FSHR: variants seen among roughly 807,000 people sequenced by gnomAD.
The protein encoded by FSHR is follicle-stimulating hormone receptor.
In FSHR, 46 loss-of-function variants were observed where a neutral mutation model predicts 52.1. The ratio of observed to expected loss-of-function variants is 0.88; its 90% CI spans 0.70 to 1.13. FSHR has a LOEUF of 1.13. FSHR is among the 50% of genes most tolerant of loss of function. The probability of loss-of-function intolerance (pLI) is 0.00; values close to 1 mark genes in which losing one functional copy is unlikely to be tolerated. For synonymous variants in FSHR, 399 were observed against 309.6 expected (o/e 1.29, Z -3.03); for missense variants, 964 against 834.6 (o/e 1.16, Z -1.91).
chr2:49,041,983 G>A (rs1235568828), intron 2 of FSHR, among the ~76,000 whole-genome samples: 1 of 152,064 alleles, frequency 6.6e-6, no homozygotes, highest in Admixed American at 6.6e-5. Flanking sequence ...GTGTCTATAA[G>A]AAATACAAAA....
intron 5 of FSHR, 79 bp downstream of exon 5, chr2:48,990,487 C>G: frequency 1.1e-6 from 1 of 903,176 alleles, no homozygotes. Flanking sequence ...CTACACAATG[C>G]ATATTAAAGG....
chr2:49,024,103 G>T (rs990105617), intron 2 of FSHR, among the ~76,000 whole-genome samples: 4 of 152,050 alleles, frequency 2.6e-5, no homozygotes, highest in Admixed American at 6.6e-5. Context: ...GTTTTATTCC[G>T]AGTAGAGTTG....
At chr2:48,974,443 C>T (rs1318524113) in intron 8 of FSHR, among the ~76,000 whole-genome samples, 1 of 152,146 alleles carries the variant, frequency 6.6e-6, no homozygotes, top group Non-Finnish European at 1.5e-5. Context: ...CACATGGTGG[C>T]TTTGATGCTG....
chr2:49,035,942 C>A (rs1002172597), intron 2 of FSHR, among the ~76,000 whole-genome samples: 1 of 152,188 alleles, frequency 6.6e-6, no homozygotes, highest in Non-Finnish European at 1.5e-5. Flanking sequence ...CATTTGAGGT[C>A]AACATCATTA....
chr2:49,093,248 A>G (rs145914226), intron 1 of FSHR, among the ~76,000 whole-genome samples: 10 of 152,314 alleles, frequency 6.6e-5, no homozygotes, highest in African/African-American at 2.4e-4. Context: ...CTGTATCCTT[A>G]CTGACTTTGT....
intron 1 of FSHR, among the ~76,000 whole-genome samples, chr2:49,091,355 G>A (rs1670602004): frequency 6.6e-6 from 1 of 152,156 alleles, no homozygotes; most frequent in Admixed American, 6.5e-5. Context: ...TCAGGCTGGA[G>A]TGCAGTAGCA....
intron 2 of FSHR, among the ~76,000 whole-genome samples, chr2:49,024,140 T>A (rs1001745433): frequency 6.6e-6 from 1 of 152,132 alleles, no homozygotes. Flanking sequence ...TACAAAGAAC[T>A]GAAGAGCTGT....
At chr2:49,013,711 A>G (rs535047412) in intron 4 of FSHR, among the ~76,000 whole-genome samples, 110 of 151,666 alleles carry the variant, frequency 7.3e-4, no homozygotes, top group African/African-American at 2.5e-3. Flanking sequence ...GGAAATCTAC[A>G]TAGCAGTGGA....
chr2:49,042,172 A>T (rs1254753898), intron 2 of FSHR, among the ~76,000 whole-genome samples: 1 of 152,150 alleles, frequency 6.6e-6, no homozygotes, highest in Admixed American at 6.5e-5. Context: ...GAAAGTACAC[A>T]TTCTTCCATA....
intron 1 of FSHR, among the ~76,000 whole-genome samples, chr2:49,070,643 G>T (rs1226166972): frequency 1.3e-5 from 2 of 152,060 alleles, no homozygotes; most frequent in Non-Finnish European, 2.9e-5. Flanking sequence ...CAACTACAAA[G>T]CATTTTTTGA....
chr2:48,972,007 CG>C (rs1377053702), intron 8 of FSHR, among the ~76,000 whole-genome samples: 1 of 152,122 alleles, frequency 6.6e-6, no homozygotes, highest in Non-Finnish European at 1.5e-5. Flanking sequence ...ATGCTGATGG[CG>C]CTAAAATTTG....
At chr2:49,148,929 A>G (rs937252516) in intron 1 of FSHR, among the ~76,000 whole-genome samples, 1 of 151,978 alleles carries the variant, frequency 6.6e-6, no homozygotes, top group Non-Finnish European at 1.5e-5. Flanking sequence ...GTGGTGTTTT[A>G]TGGAGAAAAT....
intron 1 of FSHR, among the ~76,000 whole-genome samples, chr2:49,077,049 C>T (rs577064951): frequency 9.9e-5 from 15 of 152,222 alleles, no homozygotes; most frequent in African/African-American, 2.2e-4. Flanking sequence ...GGATGGTGGC[C>T]GTCTTCTCAC....
At chr2:49,138,135 A>G (rs1325638218) in intron 1 of FSHR, among the ~76,000 whole-genome samples, 1 of 152,168 alleles carries the variant, frequency 6.6e-6, no homozygotes. Context: ...ATCATTAGCC[A>G]TCAGGGAAAG....
At chr2:49,125,186 T>C (rs1161651852) in intron 1 of FSHR, among the ~76,000 whole-genome samples, 1 of 152,204 alleles carries the variant, frequency 6.6e-6, no homozygotes, top group Non-Finnish European at 1.5e-5. Context: ...GTTTCGTTAC[T>C]TTTTTAGTAG....
chr2:48,988,839 G>C, intron 6 of FSHR, 138 bp downstream of exon 6: 2 of 713,300 alleles, frequency 2.8e-6, no homozygotes, highest in Non-Finnish European at 5.1e-6. Flanking sequence ...GATGAGAGAG[G>C]AACGCAGAAC....
chr2:49,086,997 T>A (rs1191090237), intron 1 of FSHR, among the ~76,000 whole-genome samples: 2 of 151,460 alleles, frequency 1.3e-5, no homozygotes, highest in Admixed American at 6.6e-5. Flanking sequence ...TGAGAACACC[T>A]GCTTTAGTAG....
intron 1 of FSHR, among the ~76,000 whole-genome samples, chr2:49,109,069 G>A (rs1671336200): frequency 6.6e-6 from 1 of 152,044 alleles, no homozygotes; most frequent in Non-Finnish European, 1.5e-5. Flanking sequence ...TGGGATTCTG[G>A]GAATGAGACA....
At chr2:49,122,468 A>G (rs572352396) in intron 1 of FSHR, among the ~76,000 whole-genome samples, 31 of 152,136 alleles carry the variant, frequency 2.0e-4, no homozygotes, top group South Asian at 1.2e-3. Flanking sequence ...TCATTACCCA[A>G]AAGTCTGATC....
Sources: gnomAD v4.1 joint callset for allele counts (sites outside exome capture counted in the v4.1 genomes callset) on GRCh38, gnomAD v4.1.1 for gene constraint, MANE v1.5 for transcripts, NCBI Gene and HGNC (gene_info 2026-07-23, HGNC 2026-07-21) for gene names.